The following PTPN20 variants were observed in gnomAD, a reference collection of about 807,000 sequenced individuals.
PTPN20 encodes the protein protein tyrosine phosphatase non-receptor type 20.
In PTPN20, 9 loss-of-function variants were observed where a neutral mutation model predicts 35.0. The observed-to-expected ratio is 0.26, with a 90% CI of 0.15 to 0.45. The LOEUF is 0.45. PTPN20 is among the 20% of genes least tolerant of loss of function. The pLI is 1.00. For missense variants in PTPN20, 111 were observed against 312.5 expected, an observed-to-expected ratio of 0.36 and a Z score of 4.86; for synonymous variants, 32 against 100.2, an observed-to-expected ratio of 0.32 and a Z score of 4.06.
chr10:46,931,376 C>T lies in PTPN20; in HGVS notation c.-123-1001C>T, dbSNP rs549207841. Among the ~76,000 whole-genome samples, 11 of 142,150 alleles carry T rather than the reference C, an allele frequency of 7.7e-5. No homozygotes were observed. In the East Asian group the frequency reaches 2.2e-3, roughly 28 times the overall value. 93.3% of individuals were successfully genotyped at this position (142,150 alleles called of 152,430 possible). ...AAGTGACATTCCACTTATCTTTTGC[C>T]TTACTTTCACATTTTAATTTAGTTT... On this transcript the variant is annotated intron_variant, in intron 1 of 10. Coordinates refer to ENST00000374339, the MANE Select transcript of PTPN20 (RefSeq NM_001042357.5).
At chr10:46,990,486 G>T (rs1359001847) in intron 9 of PTPN20, among the ~76,000 whole-genome samples, 1 of 96,212 alleles carries the variant, frequency 1.0e-5, no homozygotes, top group Non-Finnish European at 2.1e-5. Context: ...GGATTGATTC[G>T]TTCTTTTTTT....
At chr10:46,949,238 T>C (rs2045944563) in intron 5 of PTPN20, among the ~76,000 whole-genome samples, 1 of 152,190 alleles carries the variant, frequency 6.6e-6, no homozygotes, top group South Asian at 2.1e-4. Context: ...CAGTCTTTCT[T>C]ATGAGCACCT....
At chr10:46,954,126 T>C (rs1589558370) in intron 5 of PTPN20, among the ~76,000 whole-genome samples, 1 of 103,574 alleles carries the variant, frequency 9.7e-6, no homozygotes, top group African/African-American at 4.9e-5. Flanking sequence ...TATAACAAAA[T>C]ATCCAAGAAT....
At chr10:46,994,841 C>T (rs2058758197) in intron 9 of PTPN20, among the ~76,000 whole-genome samples, 1 of 152,106 alleles carries the variant, frequency 6.6e-6, no homozygotes, top group Admixed American at 6.6e-5. Context: ...ACTGCATTTT[C>T]AAGTAGCCGG....
chr10:46,997,870 C>G (rs1015712132), intron 9 of PTPN20, among the ~76,000 whole-genome samples: 13 of 152,122 alleles, frequency 8.5e-5, no homozygotes, highest in Non-Finnish European at 1.8e-4. Context: ...CATTACACAC[C>G]TATCAGAAAG....
At chr10:46,939,045 T>C (rs1342445337) in intron 2 of PTPN20, among the ~76,000 whole-genome samples, 2 of 152,084 alleles carry the variant, frequency 1.3e-5, no homozygotes, top group Non-Finnish European at 2.9e-5. Context: ...TTTTTTTTCC[T>C]GTTAATTTTT....
intron 5 of PTPN20, among the ~76,000 whole-genome samples, chr10:46,953,392 T>TTTCTTTCTTTCTTTCTTTC (rs1317602545): frequency 7.0e-6 from 1 of 141,956 alleles, no homozygotes; most frequent in Non-Finnish European, 1.5e-5. Flanking sequence ...TCTTTCTTTC[T>TTTCTTTCTTTCTTTCTTTC]TTCTTTTTTT....
At chr10:47,003,584 A>G (rs2060137522), downstream of PTPN20, among the ~76,000 whole-genome samples, 1 of 152,088 alleles carries the variant, frequency 6.6e-6, no homozygotes, top group African/African-American at 2.4e-5. Context: ...CAACCAGCAA[A>G]CTATGGCCCA....
intron 9 of PTPN20, among the ~76,000 whole-genome samples, chr10:46,992,352 G>T (rs1299931843): frequency 1.3e-5 from 2 of 151,798 alleles, no homozygotes; most frequent in Non-Finnish European, 2.9e-5. Context: ...CAAACTCCTG[G>T]CCCCAAGAGA....
rs1179109046 is a variant in PTPN20, at chr10:46,997,365, GT to G, written c.1135-2534del. On this transcript the variant is annotated intron_variant, in intron 9 of 10. Coordinates refer to ENST00000374339, the MANE Select transcript of PTPN20 (RefSeq NM_001042357.5). ...TTATTAGCTCTTAGAGGTTTTGTAG[GT>G]TTTTTTTTTTTTAGATTCTTTAGTG... Among the ~76,000 whole-genome samples the G allele has an allele frequency of 7.4e-3, 1,041 of 141,250 alleles. 11 individuals carry two copies. Among genetic ancestry groups the G allele is most frequent in the Middle Eastern group, 0.022 (6 of 276 alleles). 92.7% of individuals were successfully genotyped at this position (141,250 alleles called of 152,430 possible).
intron 5 of PTPN20, among the ~76,000 whole-genome samples, chr10:46,947,329 A>G (rs1285537822): frequency 2.0e-5 from 3 of 150,136 alleles, no homozygotes; most frequent in African/African-American, 7.4e-5. Flanking sequence ...CATAACCAAC[A>G]TCCCATCAAA....
chr10:46,937,890 A>T (rs1589358987), intron 2 of PTPN20, among the ~76,000 whole-genome samples: 1 of 139,448 alleles, frequency 7.2e-6, no homozygotes, highest in Non-Finnish European at 1.6e-5. Flanking sequence ...GAATTATATG[A>T]TTTTGGTGCT....
At chr10:46,937,691 CTT>C (rs1255197113) in intron 2 of PTPN20, among the ~76,000 whole-genome samples, 2 of 151,742 alleles carry the variant, frequency 1.3e-5, no homozygotes, top group Non-Finnish European at 2.9e-5. Flanking sequence ...ATTTATATCT[CTT>C]TTTATTGTAT....
chr10:46,959,179 A>T, intron 5 of PTPN20, among the ~76,000 whole-genome samples: 1 of 125,442 alleles, frequency 8.0e-6, no homozygotes, highest in African/African-American at 3.1e-5. Flanking sequence ...GTGTATTTTG[A>T]TTGTTACTAG....
intron 5 of PTPN20, 146 bp downstream of exon 5, chr10:46,946,821 TA>T (rs2044883024): frequency 1.4e-6 from 1 of 727,746 alleles, no homozygotes; most frequent in East Asian, 3.1e-5. Context: ...CTTTTAAAAA[TA>T]AAAAAATGCA....
At chr10:46,948,402 TTA>T (rs1318369705) in intron 5 of PTPN20, among the ~76,000 whole-genome samples, 1 of 148,700 alleles carries the variant, frequency 6.7e-6, no homozygotes, top group Non-Finnish European at 1.5e-5. Flanking sequence ...TGCAGCTTCA[TTA>T]TGTGTCTATA....
rs1242917602 is a variant in PTPN20, at chr10:47,000,782, G to T, written c.*41G>T. 3 of 1,608,926 alleles carry T rather than the reference G, an allele frequency of 1.9e-6. No homozygotes were observed. Among genetic ancestry groups the T allele is most frequent in the Non-Finnish European group, 2.6e-6 (3 of 1,175,442 alleles). On this transcript the variant is annotated 3_prime_UTR_variant, in exon 11 of 11. Transcript: ENST00000374339. ...CCTCTCACTTGAAATTACCAAGTGGGTTTGCACCTCCTCATAAAGAACATG... is the reference window on the plus strand; with the variant it reads ...CCTCTCACTTGAAATTACCAAGTGGTTTTGCACCTCCTCATAAAGAACATG...
intron 9 of PTPN20, among the ~76,000 whole-genome samples, chr10:46,995,036 ATC>A (rs1424807261): frequency 1.3e-5 from 2 of 152,070 alleles, no homozygotes; most frequent in Non-Finnish European, 2.9e-5. Flanking sequence ...TACCTTGGAG[ATC>A]TCTGAGTTTC....
At chr10:46,977,332 G>GTA (rs1338474396) in intron 7 of PTPN20, among the ~76,000 whole-genome samples, 1,915 of 150,990 alleles carry the variant, frequency 0.013, no homozygotes, top group African/African-American at 0.044. Context: ...CTTTCTCACT[G>GTA]TATATATACA....
Sources: allele counts gnomAD v4.1 joint callset (sites outside exome capture counted in the v4.1 genomes callset), GRCh38; gene constraint gnomAD v4.1.1; transcripts MANE v1.5; gene names NCBI Gene and HGNC (gene_info 2026-07-23, HGNC 2026-07-21).